The following NEXN variants were observed in gnomAD, a reference collection of about 807,000 sequenced individuals.
The protein encoded by NEXN is nexilin.
A neutral mutation model predicts 92.6 loss-of-function variants in NEXN; 65 were observed. That is an observed-to-expected ratio of 0.70 (90% CI 0.57 to 0.86). The LOEUF is 0.86. Among genes scored for constraint, NEXN ranks in the 40% least tolerant of loss-of-function variants. The pLI is 0.00. For synonymous variants in NEXN, 254 were observed against 242.5 expected (o/e 1.05, Z -0.44); for missense variants, 778 against 771.1 (o/e 1.01, Z -0.11).
chr1:77,926,545 TAAAA>T lies in NEXN; in HGVS notation c.622_625del (p.Lys208GlufsTer2). 6.2e-7 allele frequency: 1 copy of T among 1,613,764 alleles called. No individual in the cohort carries two copies. Among genetic ancestry groups the T allele is most frequent in the Non-Finnish European group, 8.5e-7 (1 of 1,179,862 alleles). On this transcript the variant is annotated frameshift_variant, in exon 7 of 13. Transcript: ENST00000334785. LOFTEE classifies it high-confidence loss of function. ...AAGAAAGGATCAAGTACGAGGAAGA[TAAAA>T]GAATAAGATATGAAGAACAACGACC... is the stretch of plus-strand genomic sequence containing the variant.
Position 77,918,092 on chromosome 1 carries a change from C to A in NEXN, c.299-33C>A, listed in dbSNP as rs773410551. The A allele has an allele frequency of 3.1e-6, 5 of 1,612,570 alleles. No individual in the cohort carries two copies. In the Admixed American group the frequency reaches 5.0e-5, roughly 16 times the overall value. ...TTAAATTGCAAAATAGAAACATAAC[C>A]AAGTATCAAACTTTTTTTTCATATA... On this transcript the variant is annotated intron_variant, in intron 4 of 12. Transcript: ENST00000334785.
intron 11 of NEXN, among the ~76,000 whole-genome samples, chr1:77,938,654 T>C (rs948187330): frequency 5.3e-5 from 8 of 151,526 alleles, no homozygotes; most frequent in African/African-American, 1.7e-4. Context: ...TTATTCTAAG[T>C]ACTATAATAG....
chr1:77,916,305 T>C (rs923265598), intron 2 of NEXN, among the ~76,000 whole-genome samples, 172 bp downstream of exon 2: 1 of 152,174 alleles, frequency 6.6e-6, no homozygotes, highest in Non-Finnish European at 1.5e-5. Context: ...GGTCTTGGGC[T>C]AGTATTTTCA....
At chr1:77,895,336 C>T (rs553292182) in intron 1 of NEXN, among the ~76,000 whole-genome samples, 194 of 151,970 alleles carry the variant, frequency 1.3e-3, no homozygotes, top group Non-Finnish European at 2.4e-3. Context: ...TGAGCCACCG[C>T]GCCCGGTCAC....
At position 77,933,454 on chromosome 1, in the gene NEXN, A is replaced by T. The variant is rs781371108; in HGVS notation, c.1226A>T (p.Glu409Val). ...CTAGAAATGGAGAAACAAGAATTTG[A>T]ACAACTGAGACAGGAAATGGGAGAG... ...HKLEMEKQEF[E>V]QLRQEMGEEE... Residue 409 changes from glutamate (E) to valine (V), a missense_variant, in exon 10 of 13, where the codon GAA (glutamate) becomes GTA (valine). Coordinates refer to ENST00000334785, the MANE Select transcript of NEXN (RefSeq NM_144573.4). The T allele has an allele frequency of 1.2e-6, 2 of 1,612,242 alleles. No individual in the cohort carries two copies. Among genetic ancestry groups the T allele is most frequent in the Non-Finnish European group, 1.7e-6 (2 of 1,178,498 alleles).
Position 77,942,949 on chromosome 1 carries a change from T to C in NEXN, c.*120T>C. The C allele has an allele frequency of 7.4e-7, 1 of 1,354,780 alleles. No homozygotes were observed. Among genetic ancestry groups the C allele is most frequent in the Non-Finnish European group, 1.0e-6 (1 of 974,418 alleles). The allele number at this position is 1,354,780 out of a possible 1,614,324, so 83.9% of individuals were successfully genotyped here. On this transcript the variant is annotated 3_prime_UTR_variant, in exon 13 of 13. Coordinates refer to ENST00000334785, the MANE Select transcript of NEXN (RefSeq NM_144573.4). ...CTCTCCCTGGAACTTTCTCTTTCACTCCAACTTTCTTACTACATCCATCTT... is the reference window on the plus strand; with the variant it reads ...CTCTCCCTGGAACTTTCTCTTTCACCCCAACTTTCTTACTACATCCATCTT...
At chr1:77,891,740 A>G in intron 1 of NEXN, among the ~76,000 whole-genome samples, 1 of 39,740 alleles carries the variant, frequency 2.5e-5, no homozygotes, top group South Asian at 1.1e-3. Context: ...CAAGTGTGGA[A>G]AAAAAGTAAA....
rs1312083509 is a variant in NEXN, at chr1:77,929,393, T to A, written c.942T>A (p.Phe314Leu). 2 of 1,613,634 alleles carry A rather than the reference T, an allele frequency of 1.2e-6. No homozygotes were observed. ...GCCCTGGTAAACTCAAACTCAGTTTTGAAGAAATGGAAAGGCAAAGAAGAG... is the reference window on the plus strand; with the variant it reads ...GCCCTGGTAAACTCAAACTCAGTTTAGAAGAAATGGAAAGGCAAAGAAGAG... ...GYRPGKLKLS[F>L]EEMERQRRED... is the part of the protein sequence containing the mutation. The change falls in exon 9 of 13, where the codon TTT (phenylalanine) becomes TTA (leucine). Residue 314 changes from phenylalanine to leucine, a missense_variant. Physicochemically the swap from Phe to Leu is conservative, Grantham distance 22 (BLOSUM62 0). Around this residue, in one of 3 missense-constraint regions of NEXN, gnomAD observed 532 missense variants for 476.7 expected, o/e 1.12. Transcript: ENST00000334785.
chr1:77,900,406 A>G (rs1274049792), intron 1 of NEXN, among the ~76,000 whole-genome samples: 1 of 152,174 alleles, frequency 6.6e-6, no homozygotes, highest in Non-Finnish European at 1.5e-5. Context: ...ACTACATCAT[A>G]TAATAATTAG....
chr1:77,933,454 A>C lies in NEXN; in HGVS notation c.1226A>C (p.Glu409Ala), dbSNP rs781371108. 3.7e-6 allele frequency: 6 copies of C among 1,612,124 alleles called. No individual in the cohort carries two copies. In the East Asian group the frequency reaches 1.3e-4, roughly 36 times the overall value. ...CTAGAAATGGAGAAACAAGAATTTG[A>C]ACAACTGAGACAGGAAATGGGAGAG... ...HKLEMEKQEF[E>A]QLRQEMGEEE... Residue 409 changes from glutamate (E) to alanine (A), a missense_variant, in exon 10 of 13, where the codon GAA becomes GCA. This residue lies in a region of NEXN where 532 missense variants were observed against 476.7 expected (regional missense o/e 1.12). Transcript: ENST00000334785.
intron 1 of NEXN, among the ~76,000 whole-genome samples, chr1:77,899,905 C>G (rs1647560054): frequency 6.6e-6 from 1 of 152,154 alleles, no homozygotes; most frequent in South Asian, 2.1e-4. Flanking sequence ...CTTATCTTCT[C>G]TTACCAAGGT....
intron 1 of NEXN, among the ~76,000 whole-genome samples, chr1:77,893,060 CCTCA>C (rs1354693979): frequency 6.6e-6 from 1 of 151,712 alleles, no homozygotes; most frequent in African/African-American, 2.4e-5. Flanking sequence ...AGAGATAGAG[CCTCA>C]CTATGTTGCC....
At chr1:77,901,606 G>C (rs895668370) in intron 1 of NEXN, among the ~76,000 whole-genome samples, 2 of 152,050 alleles carry the variant, frequency 1.3e-5, no homozygotes, top group African/African-American at 4.8e-5. Flanking sequence ...AGGTGCAATG[G>C]AGCCGAATTG....
chr1:77,918,882 G>A (rs1649201613), intron 5 of NEXN, among the ~76,000 whole-genome samples: 1 of 152,162 alleles, frequency 6.6e-6, no homozygotes, highest in Non-Finnish European at 1.5e-5. Context: ...TTACAAAGAT[G>A]TAAGGCAATT....
chr1:77,935,257 T>G (rs1444701755), intron 10 of NEXN, among the ~76,000 whole-genome samples: 1 of 152,110 alleles, frequency 6.6e-6, no homozygotes, highest in African/African-American at 2.4e-5. Flanking sequence ...AGGCTGGTCT[T>G]GAACTCCCGA....
rs549165072 is a variant in NEXN, at chr1:77,929,717, C to T, written c.1053+213C>T. Reference sequence around the variant, plus strand: ...GTTCAGAAGATTCTGCTTTAAATTGCCATGCTTGGCACAAAGGATGGAATA... The same window carrying T: ...GTTCAGAAGATTCTGCTTTAAATTGTCATGCTTGGCACAAAGGATGGAATA... On this transcript the variant is annotated intron_variant, in intron 9 of 12. Transcript: ENST00000334785. 5.9e-5 allele frequency among the ~76,000 whole-genome samples: 9 copies of T among 152,286 alleles called. No individual in the cohort carries two copies. The South Asian group carries it at 1.9e-3, about 32-fold the overall frequency.
At chr1:77,932,631 A>C (rs1650395488) in intron 9 of NEXN, among the ~76,000 whole-genome samples, 1 of 152,216 alleles carries the variant, frequency 6.6e-6, no homozygotes, top group African/African-American at 2.4e-5. Context: ...CCAATTAAAA[A>C]ATGTTCTCAA....
At chr1:77,894,427 T>G (rs1293594069) in intron 1 of NEXN, among the ~76,000 whole-genome samples, 2 of 152,136 alleles carry the variant, frequency 1.3e-5, no homozygotes, top group African/African-American at 4.8e-5. Flanking sequence ...CATTTTATAG[T>G]ATCATTTTTA....
intron 11 of NEXN, among the ~76,000 whole-genome samples, chr1:77,936,998 A>C (rs1650818273): frequency 6.6e-6 from 1 of 152,200 alleles, no homozygotes; most frequent in Non-Finnish European, 1.5e-5. Flanking sequence ...CTTAGATGCC[A>C]TGTGAAGGGA....
Sources: allele counts gnomAD v4.1 joint callset (sites outside exome capture counted in the v4.1 genomes callset), GRCh38; gene constraint gnomAD v4.1.1; regional missense constraint gnomAD v4.1.1; transcripts MANE v1.5; gene names NCBI Gene and HGNC (gene_info 2026-07-23, HGNC 2026-07-21).